ZNF251: variants seen among roughly 807,000 people sequenced by gnomAD.
ZNF251 encodes the protein zinc finger protein 251.
A neutral mutation model predicts 13.5 loss-of-function variants in ZNF251; 14 were observed. The ratio of observed to expected loss-of-function variants is 1.04; its 90% CI spans 0.69 to 1.63. The LOEUF is 1.63. Ranked by LOEUF, ZNF251 falls within the 40% of genes most tolerant of loss-of-function variation. The probability of loss-of-function intolerance (pLI) is 0.00; values close to 1 mark genes in which losing one functional copy is unlikely to be tolerated. For synonymous variants in ZNF251, 287 were observed against 295.2 expected (o/e 0.97, Z 0.28); for missense variants, 764 against 834.9 (o/e 0.92, Z 1.05).
intron 4 of ZNF251, among the ~76,000 whole-genome samples, chr8:144,744,502 C>A (rs1482989842): frequency 6.6e-6 from 1 of 152,144 alleles, no homozygotes; most frequent in Non-Finnish European, 1.5e-5. Context: ...CTGCTCACCC[C>A]AAATTCACAT....
intron 4 of ZNF251, among the ~76,000 whole-genome samples, chr8:144,743,451 A>C (rs563592460): frequency 8.7e-4 from 132 of 152,348 alleles, no homozygotes; most frequent in Admixed American, 2.2e-3. Flanking sequence ...GGAACGTCTC[A>C]GTTGCTTCCG....
Position 144,742,611 on chromosome 8 carries a change from T to G in ZNF251, c.277+11072A>C, listed in dbSNP as rs372703830. Among the ~76,000 whole-genome samples, 7 of 152,212 alleles carry G rather than the reference T, an allele frequency of 4.6e-5. No individual in the cohort carries two copies. In the East Asian group the frequency reaches 1.2e-3, roughly 25 times the overall value. ...GTGGTGCCGCGTGATCTATGGGTTT[T>G]GCATCCACCACTGCAGTACTGTACA... is the stretch of plus-strand genomic sequence containing the variant. On this transcript the variant is annotated intron_variant, in intron 4 of 4. Coordinates refer to ENST00000292562, the MANE Select transcript of ZNF251 (RefSeq NM_138367.2).
At chr8:144,751,593 A>G (rs1463437508) in intron 4 of ZNF251, among the ~76,000 whole-genome samples, 1 of 152,252 alleles carries the variant, frequency 6.6e-6, no homozygotes, top group Non-Finnish European at 1.5e-5. Context: ...AATAAAATTT[A>G]AATGGAGTTA....
chr8:144,751,408 T>C (rs1330908804), intron 4 of ZNF251, among the ~76,000 whole-genome samples: 2 of 152,236 alleles, frequency 1.3e-5, no homozygotes, highest in Non-Finnish European at 2.9e-5. Flanking sequence ...TATGTAGATG[T>C]ATTACACATA....
chr8:144,744,290 T>C (rs914592053), intron 4 of ZNF251, among the ~76,000 whole-genome samples: 5 of 152,150 alleles, frequency 3.3e-5, no homozygotes, highest in Non-Finnish European at 5.9e-5. Context: ...TGCCGTCTTT[T>C]ACAGAGCAGA....
intron 1 of ZNF251, chr8:144,755,031 G>A (rs1824893680): frequency 1.5e-6 from 2 of 1,368,840 alleles, no homozygotes; most frequent in Non-Finnish European, 9.4e-7. Flanking sequence ...AAAGCTGGCA[G>A]TTCCCGTGGT....
At chr8:144,753,380 A>C (rs1278083180) in intron 4 of ZNF251, 2 of 243,204 alleles carry the variant, frequency 8.2e-6, no homozygotes, top group East Asian at 8.1e-5. Flanking sequence ...ACCGATATCT[A>C]TTGTCAAAAG....
intron 3 of ZNF251, 29 bp downstream of exon 3, chr8:144,754,163 C>T: frequency 2.5e-6 from 4 of 1,599,402 alleles, no homozygotes; most frequent in Non-Finnish European, 3.4e-6. Flanking sequence ...GCCCCCACTG[C>T]GAACCAGGCC....
intron 4 of ZNF251, among the ~76,000 whole-genome samples, chr8:144,736,983 T>C (rs1347808709): frequency 1.3e-5 from 2 of 151,802 alleles, no homozygotes; most frequent in Non-Finnish European, 2.9e-5. Context: ...TTTGTATTTT[T>C]AGTAGAGATG....
chr8:144,721,718 T>C lies in ZNF251; in HGVS notation c.1942A>G (p.Lys648Glu). The part of the protein sequence containing the change: ...TPPQQTRVGE[K>E]PALNDGSKRY... ...TTAGAGCCATCATTTAAAGCAGGTT[T>C]CTCTCCAACACGAGTCTGCTGAGGT... The change falls in exon 5 of 5, where the codon AAA (lysine) becomes GAA (glutamate). Residue 648 changes from lysine to glutamate, a missense_variant. Transcript: ENST00000292562. 7.3e-7 allele frequency: 1 copy of C among 1,375,554 alleles called. No homozygotes were observed. The highest frequency in any genetic ancestry group is 9.5e-7 in the Non-Finnish European group (1 of 1,056,200). The allele number at this position is 1,375,554 out of a possible 1,614,324, so 85.2% of individuals were successfully genotyped here.
At chr8:144,739,761 T>C (rs1290413419) in intron 4 of ZNF251, among the ~76,000 whole-genome samples, 1 of 152,022 alleles carries the variant, frequency 6.6e-6, no homozygotes, top group Non-Finnish European at 1.5e-5. Flanking sequence ...TATCTGGGCA[T>C]GGTGGAGCGC....
intron 4 of ZNF251, among the ~76,000 whole-genome samples, chr8:144,742,812 G>A (rs1407150772): frequency 2.0e-5 from 3 of 152,102 alleles, no homozygotes; most frequent in Non-Finnish European, 2.9e-5. Context: ...AGACCCCCAC[G>A]TATACCCAAA....
chr8:144,752,185 A>G (rs555999797), intron 4 of ZNF251, among the ~76,000 whole-genome samples: 10 of 152,142 alleles, frequency 6.6e-5, no homozygotes, highest in African/African-American at 2.4e-4. Context: ...GACCTGAACA[A>G]TACCATCAAC....
At chr8:144,749,690 CTTTT>C (rs902102604) in intron 4 of ZNF251, among the ~76,000 whole-genome samples, 5 of 151,912 alleles carry the variant, frequency 3.3e-5, no homozygotes, top group African/African-American at 9.7e-5. Flanking sequence ...AACTATACTT[CTTTT>C]TTAACTTTTT....
chr8:144,753,442 C>G, intron 4 of ZNF251: 1 of 434,302 alleles, frequency 2.3e-6, no homozygotes, highest in Non-Finnish European at 4.0e-6. Flanking sequence ...AGGTAAATCA[C>G]CAAAACAAAA....
At chr8:144,736,320 T>C (rs1823889400) in intron 4 of ZNF251, among the ~76,000 whole-genome samples, 1 of 152,000 alleles carries the variant, frequency 6.6e-6, no homozygotes, top group Non-Finnish European at 1.5e-5. Flanking sequence ...ACTACTCTAT[T>C]AATTGGGACA....
At chr8:144,753,875 G>T in intron 3 of ZNF251, 79 bp from the exon 4 acceptor site, 1 of 1,103,510 alleles carries the variant, frequency 9.1e-7, no homozygotes, top group Non-Finnish European at 1.3e-6. Flanking sequence ...TGGGCCCTGT[G>T]TGCACGTGTG....
intron 4 of ZNF251, among the ~76,000 whole-genome samples, chr8:144,729,329 A>AT (rs1315950493): frequency 4.0e-5 from 5 of 123,730 alleles, no homozygotes; most frequent in Non-Finnish European, 8.5e-5. Context: ...TTATTTATTT[A>AT]TTTTTATTTT....
chr8:144,728,317 T>C (rs1335070161), intron 4 of ZNF251, among the ~76,000 whole-genome samples: 2 of 151,854 alleles, frequency 1.3e-5, no homozygotes, highest in Non-Finnish European at 2.9e-5. Context: ...TTGAAACAAT[T>C]ACAATAGCAA....
Sources: gnomAD v4.1 joint callset for allele counts (sites outside exome capture counted in the v4.1 genomes callset) on GRCh38, gnomAD v4.1.1 for gene constraint, MANE v1.5 for transcripts, NCBI Gene and HGNC (gene_info 2026-07-23, HGNC 2026-07-21) for gene names.